Variants in UTRN observed in about 807,000 individuals in gnomAD.
UTRN encodes the protein dystrophin-related protein 1.
UTRN carries 283 observed loss-of-function variants against 463.9 expected under a neutral mutation model. The ratio of observed to expected loss-of-function variants is 0.61; its 90% confidence interval spans 0.55 to 0.67. The LOEUF is 0.67. Ranked by LOEUF, UTRN falls within the 30% of genes least tolerant of loss-of-function variation. The pLI is 0.00. For missense variants in UTRN, 3,922 were observed against 4,084.3 expected (o/e 0.96, Z 1.08); for synonymous variants, 1,442 against 1,431.5 (o/e 1.01, Z -0.17).
intron 2 of UTRN, among the ~76,000 whole-genome samples, chr6:144,365,694 G>A (rs962663647): frequency 1.3e-5 from 2 of 152,094 alleles, no homozygotes; most frequent in East Asian, 3.9e-4. Context: ...TATTTTTTTG[G>A]TGATCTGTGG....
rs573819761 is a variant in UTRN at position 144,851,690 on chromosome 6, G to A, written c.*693G>A. 2.6e-5 allele frequency: 4 copies of A among 152,146 alleles called. No homozygotes were observed. In the South Asian group the frequency reaches 8.3e-4, roughly 32 times the overall value. 9.4% of individuals were successfully genotyped at this position (152,146 alleles called of 1,614,324 possible). A position where few individuals can be genotyped will look rare whatever the true frequency, so the allele number is the denominator to read the frequency against. On this transcript the variant is annotated 3_prime_UTR_variant, in exon 75 of 75. Transcript: ENST00000367545. ...CACTTACTTCTTTGCTGACCACTTG[G>A]ATAACCGTAATAAAAATCCTATAAG...
At chr6:144,850,124 A>G (rs1006290833) in intron 74 of UTRN, among the ~76,000 whole-genome samples, 30 of 152,176 alleles carry the variant, frequency 2.0e-4, no homozygotes, top group African/African-American at 6.8e-4. Context: ...ATGGAGAAGC[A>G]AGTGTCTGAA....
chr6:144,674,800 C>T (rs1781427682), intron 51 of UTRN, among the ~76,000 whole-genome samples: 1 of 152,176 alleles, frequency 6.6e-6, no homozygotes, highest in Non-Finnish European at 1.5e-5. Context: ...TTCAAGTGAC[C>T]CTCCTGCCTT....
At chr6:144,613,706 A>T (rs1033907568) in intron 51 of UTRN, among the ~76,000 whole-genome samples, 9 of 151,944 alleles carry the variant, frequency 5.9e-5, no homozygotes, top group Non-Finnish European at 1.0e-4. Context: ...CCGCTACTGT[A>T]TACATTTGCC....
intron 14 of UTRN, among the ~76,000 whole-genome samples, chr6:144,446,476 C>T (rs1445195600): frequency 6.6e-6 from 1 of 152,172 alleles, no homozygotes; most frequent in Admixed American, 6.5e-5. Flanking sequence ...GTTTTCCTCC[C>T]TACTAAATAG....
chr6:144,381,721 A>T (rs1218799794), intron 2 of UTRN, among the ~76,000 whole-genome samples: 1 of 152,124 alleles, frequency 6.6e-6, no homozygotes, highest in Non-Finnish European at 1.5e-5. Context: ...TCCATGTAAG[A>T]TGTGACTTGC....
In UTRN at chr6:144,548,574, C is replaced by T. The variant is rs1442114346; in HGVS notation, c.6596-66C>T. The T allele has an allele frequency of 1.2e-5, 18 of 1,465,752 alleles. No individual in the cohort carries two copies. The South Asian group carries it at 1.7e-4, about 14-fold the overall frequency. 90.8% of individuals were successfully genotyped at this position (1,465,752 alleles called of 1,614,324 possible). On this transcript the variant is annotated intron_variant, in intron 46 of 74. Transcript: ENST00000367545. ...ATTTAAATACACATACACGTGTCAC[C>T]ATGACACCACCATAATTAAAACATC...
At chr6:144,583,581 G>A (rs1180195854) in intron 51 of UTRN, 3 of 711,908 alleles carry the variant, frequency 4.2e-6, no homozygotes, top group Admixed American at 4.0e-5. Context: ...TCTTCTCCTC[G>A]GTATCAGAAG....
intron 51 of UTRN, among the ~76,000 whole-genome samples, chr6:144,614,649 C>T (rs1046476043): frequency 6.6e-6 from 1 of 152,120 alleles, no homozygotes; most frequent in African/African-American, 2.4e-5. Flanking sequence ...TTCCTTTGGC[C>T]TGTGGTGCTT....
In UTRN at chr6:144,671,460, G is replaced by A. The variant is rs144763356; in HGVS notation, c.7480-6946G>A. 3.4e-3 allele frequency among the ~76,000 whole-genome samples: 512 copies of A among 152,070 alleles called. 3 individuals are homozygous for A. The highest frequency in any genetic ancestry group is 0.012 in the African/African-American group (481 of 41,516). ...GCTTGGTCACTGTTGGTGTATAGCT[G>A]TGCTACTGATTTGTGTACATTCATT... On this transcript the variant is annotated intron_variant, in intron 51 of 74. Transcript: ENST00000367545.
intron 74 of UTRN, 119 bp from the exon 75 acceptor site, chr6:144,850,870 T>TC (rs1782434889): frequency 7.1e-6 from 10 of 1,399,562 alleles, no homozygotes; most frequent in Middle Eastern, 1.8e-4. Context: ...GAAGCAAAAG[T>TC]CACAGTAGAG....
chr6:144,595,034 T>G (rs1224752482), intron 51 of UTRN, among the ~76,000 whole-genome samples: 3 of 152,188 alleles, frequency 2.0e-5, no homozygotes, highest in Non-Finnish European at 4.4e-5. Flanking sequence ...AATGTACTTT[T>G]AATAGAAATT....
chr6:144,748,444 T>C lies in UTRN; in HGVS notation c.8138T>C (p.Val2713Ala). Residue 2713 changes from valine to alanine, a missense_variant, in exon 55 of 75, where the codon GTG (valine) becomes GCG (alanine). This residue lies in a region of UTRN where 1,309 missense variants were observed against 1,452.6 expected (regional missense o/e 0.90). Coordinates refer to ENST00000367545, the MANE Select transcript of UTRN (RefSeq NM_007124.3). ...LDADMKEAESVRNGWKPVGDL... is the reference protein window; with the variant it reads ...LDADMKEAESARNGWKPVGDL... ...GCTGACATGAAGGAGGCAGAGTCCG[T>C]GCGGAATGGCTGGAAGCCCGTGGGA... 6.2e-7 allele frequency: 1 copy of C among 1,613,974 alleles called. No individual in the cohort carries two copies. Among genetic ancestry groups the C allele is most frequent in the Non-Finnish European group, 8.5e-7 (1 of 1,179,928 alleles).
chr6:144,470,523 A>T lies in UTRN; in HGVS notation c.3067-3197A>T, dbSNP rs1253163614. ...CCAGATGATGGGCGGCCAGGCAGAGATGCTCCTCACTTCCTAGACAGGATG... is the reference window on the plus strand; with the variant it reads ...CCAGATGATGGGCGGCCAGGCAGAGTTGCTCCTCACTTCCTAGACAGGATG... On this transcript the variant is annotated intron_variant, in intron 23 of 74. Coordinates refer to ENST00000367545, the MANE Select transcript of UTRN (RefSeq NM_007124.3). 8.4e-5 allele frequency among the ~76,000 whole-genome samples: 12 copies of T among 143,708 alleles called. No homozygotes were observed. The East Asian group carries it at 2.6e-3, about 31-fold the overall frequency. 94.3% of individuals were successfully genotyped at this position (143,708 alleles called of 152,430 possible).
At position 144,390,061 on chromosome 6, in the gene UTRN, T is replaced by C. The variant is rs182735606; in HGVS notation, c.80-13062T>C. Among the ~76,000 whole-genome samples, 352 of 152,338 alleles carry C rather than the reference T, an allele frequency of 2.3e-3. 2 individuals are homozygous for C. Among genetic ancestry groups the C allele is most frequent in the African/African-American group, 7.9e-3 (327 of 41,572 alleles). Reference sequence around the variant, plus strand: ...TAGTTAATAACAATTTGGTGTATACTTGAAAATAGCATAGAGAGCAGATTT... The same window carrying C: ...TAGTTAATAACAATTTGGTGTATACCTGAAAATAGCATAGAGAGCAGATTT... On this transcript the variant is annotated intron_variant, in intron 2 of 74. Coordinates refer to ENST00000367545, the MANE Select transcript of UTRN (RefSeq NM_007124.3).
intron 34 of UTRN, among the ~76,000 whole-genome samples, chr6:144,510,006 T>C (rs1016024972): frequency 1.3e-5 from 2 of 152,182 alleles, no homozygotes; most frequent in Admixed American, 1.3e-4. Flanking sequence ...AGTATTTCAG[T>C]TCTGTCATAA....
intron 23 of UTRN, among the ~76,000 whole-genome samples, chr6:144,467,780 G>GT (rs956967137): frequency 1.3e-5 from 2 of 151,802 alleles, no homozygotes; most frequent in Non-Finnish European, 2.9e-5. Flanking sequence ...AAGGGTTTGA[G>GT]TTTTTTTTCT....
At chr6:144,791,157 G>A (rs1776724711) in intron 62 of UTRN, among the ~76,000 whole-genome samples, 1 of 151,990 alleles carries the variant, frequency 6.6e-6, no homozygotes, top group African/African-American at 2.4e-5. Flanking sequence ...TCCAGTTTCT[G>A]TGATATCATT....
At chr6:144,557,846 C>T (rs952903658) in intron 50 of UTRN, among the ~76,000 whole-genome samples, 3 of 151,984 alleles carry the variant, frequency 2.0e-5, no homozygotes, top group African/African-American at 7.3e-5. Context: ...TGGAACAGCC[C>T]AAAATAGAAT....
Sources: allele counts gnomAD v4.1 joint callset (sites outside exome capture counted in the v4.1 genomes callset), GRCh38; gene constraint gnomAD v4.1.1; regional missense constraint gnomAD v4.1.1; transcripts MANE v1.5; gene names NCBI Gene and HGNC (gene_info 2026-07-23, HGNC 2026-07-21).